Variants in PIGG observed in about 807,000 individuals in gnomAD.
The protein encoded by PIGG is phosphatidylinositol glycan anchor biosynthesis class G (EMM blood group), also known as GPI ethanolamine phosphate transferase 2, catalytic subunit.
PIGG carries 70 observed loss-of-function variants against 83.2 expected under a neutral mutation model. That is an observed-to-expected ratio of 0.84 (90% CI 0.69 to 1.03). The LOEUF is 1.03. Ranked by LOEUF, PIGG falls within the 50% of genes least tolerant of loss-of-function variation. PIGG has a pLI of 0.00. For missense variants in PIGG, 1,257 were observed against 1,233.6 expected, an observed-to-expected ratio of 1.02 and a Z score of -0.28; for synonymous variants, 532 against 519.5, an observed-to-expected ratio of 1.02 and a Z score of -0.33.
rs1057020682 is a variant in PIGG at position 515,138 on chromosome 4, A to G, written c.902-835A>G. On this transcript the variant is annotated intron_variant, in intron 5 of 12. Transcript: ENST00000453061. The surrounding 1 kb of genome is among the most constrained non-coding windows in gnomAD (Gnocchi z 4.2). ...TCCCCAGACTCACACCTGAGTATCT[A>G]AAGACACCTCACGCACCACCTATCC... Among the ~76,000 whole-genome samples, 1 of 152,260 alleles carries G rather than the reference A, an allele frequency of 6.6e-6. No homozygotes were observed. The highest frequency in any genetic ancestry group is 6.5e-5 in the Admixed American group (1 of 15,292).
chr4:527,834 G>T (rs140374875), intron 10 of PIGG: 2 of 985,392 alleles, frequency 2.0e-6, no homozygotes, highest in Non-Finnish European at 2.4e-6. Context: ...GAACACAGGA[G>T]TGGGATGAGC....
At position 506,840 on chromosome 4, in the gene PIGG, T is replaced by C. The variant is rs7668774; in HGVS notation, c.571-565T>C. 3.9e-3 allele frequency: 1,780 copies of C among 455,914 alleles called. 23 individuals are homozygous for C. The highest frequency in any genetic ancestry group is 0.032 in the African/African-American group (1,607 of 50,162). 28.2% of individuals were successfully genotyped at this position (455,914 alleles called of 1,614,324 possible). On this transcript the variant is annotated intron_variant, in intron 3 of 12. Coordinates refer to ENST00000453061, the MANE Select transcript of PIGG (RefSeq NM_001127178.3). The stretch of plus-strand genomic sequence containing the variant: ...ACACATGTAGATGCCCTCAGCTTCA[T>C]CATCCTGCTGGTTACTTTAACGCTG...
intron 2 of PIGG, 69 bp from the exon 3 acceptor site, chr4:505,649 A>AAAAAAAAT: frequency 9.1e-7 from 1 of 1,104,412 alleles, no homozygotes; most frequent in Non-Finnish European, 1.3e-6. Context: ...AAAAAAAAAA[A>AAAAAAAAT]TCTTCAGTGC....
Position 523,449 on chromosome 4 carries a change from C to T in PIGG, c.1615-10C>T. 1 of 1,589,928 alleles carries T rather than the reference C, an allele frequency of 6.3e-7. No individual in the cohort carries two copies. The highest frequency in any genetic ancestry group is 2.2e-5 in the East Asian group (1 of 44,570). ...ACCGTCTCTTACAAAGTGCACTTTC[C>T]TTTTCACAGAACCCCATGCATCCCA... On this transcript the variant is annotated splice_polypyrimidine_tract_variant and intron_variant, in intron 8 of 12. Transcript: ENST00000453061.
chr4:500,719 C>CA, intron 2 of PIGG, 118 bp downstream of exon 2: 1 of 687,596 alleles, frequency 1.5e-6, no homozygotes. Context: ...TTTGTGCTGT[C>CA]AGTTGGCTGG....
chr4:507,048 C>T (rs554891316), intron 3 of PIGG, among the ~76,000 whole-genome samples: 11 of 152,290 alleles, frequency 7.2e-5, no homozygotes, highest in East Asian at 5.8e-4. Flanking sequence ...AGAATATATT[C>T]GATCCATAGC....
At chr4:508,797 C>A in intron 4 of PIGG, 32 bp from the exon 5 acceptor site, 1 of 1,608,762 alleles carries the variant, frequency 6.2e-7, no homozygotes, top group Non-Finnish European at 8.5e-7. Flanking sequence ...TCAGTCTGAA[C>A]GCAGTTGAAA....
Position 535,379 on chromosome 4 carries a change from G to A in PIGG, c.2735+1398G>A, listed in dbSNP as rs184113328. Among the ~76,000 whole-genome samples the A allele has an allele frequency of 1.6e-4, 17 of 103,944 alleles. No individual in the cohort carries two copies. The East Asian group carries it at 3.7e-3, about 22-fold the overall frequency. 68.2% of individuals were successfully genotyped at this position (103,944 alleles called of 152,430 possible). A position where few individuals can be genotyped will look rare whatever the true frequency, so the allele number is the denominator to read the frequency against. On this transcript the variant is annotated intron_variant, in intron 12 of 12. Coordinates refer to ENST00000453061, the MANE Select transcript of PIGG (RefSeq NM_001127178.3). The stretch of plus-strand genomic sequence containing the variant: ...TGTCCCTGCTGCCAGCCACAGTCAC[G>A]AATCCCCGCAGCGCCTATGCATTTC...
intron 2 of PIGG, 79 bp from the exon 3 acceptor site, chr4:505,632 CAAAAAAA>C (rs374663154): frequency 2.2e-5 from 16 of 738,864 alleles, no homozygotes. Flanking sequence ...GACCCTGTCT[CAAAAAAA>C]AAAAAAAAAA....
Position 516,194 on chromosome 4 carries a change from A to G in PIGG, c.1114+9A>G, listed in dbSNP as rs150974506. ...GCCGTCATATGAAAAAGGTCAGTCA[A>G]CTCACCGTTTCGAGCTCTGTCAGAG... On this transcript the variant is annotated intron_variant, in intron 6 of 12. Coordinates refer to ENST00000453061, the MANE Select transcript of PIGG (RefSeq NM_001127178.3). 1.5e-3 allele frequency: 2,400 copies of G among 1,594,048 alleles called. 42 individuals are homozygous for G. The East Asian group carries it at 0.038, about 25-fold the overall frequency.
intron 12 of PIGG, among the ~76,000 whole-genome samples, chr4:534,673 A>C: frequency 6.6e-6 from 1 of 151,976 alleles, no homozygotes; most frequent in East Asian, 1.9e-4. Flanking sequence ...TCCAACACCC[A>C]CCCGTCTCCT....
chr4:500,099 G>A (rs1576989139), intron 1 of PIGG: 1 of 351,434 alleles, frequency 2.8e-6, no homozygotes, highest in Admixed American at 4.4e-5. Context: ...TTTAGGTCAA[G>A]CTCCCTAAAT....
chr4:500,659 G>C (rs1418418270), intron 2 of PIGG, 58 bp downstream of exon 2: 3 of 1,106,644 alleles, frequency 2.7e-6, no homozygotes, highest in African/African-American at 3.1e-5. Context: ...GATTTAGAGG[G>C]GGTCTCTGTA....
intron 5 of PIGG, among the ~76,000 whole-genome samples, chr4:509,324 A>G (rs2108818668): frequency 6.6e-6 from 1 of 152,356 alleles, no homozygotes; most frequent in South Asian, 2.1e-4. Flanking sequence ...ATTGTAAACC[A>G]TCTATTGAAT....
chr4:508,107 G>A (rs374654332), intron 4 of PIGG, among the ~76,000 whole-genome samples: 214 of 152,292 alleles, frequency 1.4e-3, no homozygotes, highest in African/African-American at 4.3e-3. Flanking sequence ...ATAATCCCTC[G>A]TGAAGCTCAC....
chr4:507,335 C>T (rs901055732), intron 3 of PIGG, 70 bp from the exon 4 acceptor site: 62 of 1,226,788 alleles, frequency 5.1e-5, no homozygotes, highest in Middle Eastern at 2.0e-4. Flanking sequence ...ATGACTGTTG[C>T]GTTTTCCCCG....
intron 3 of PIGG, among the ~76,000 whole-genome samples, chr4:506,519 G>C (rs947575140): frequency 7.2e-5 from 11 of 152,356 alleles, no homozygotes; most frequent in Non-Finnish European, 1.3e-4. Context: ...AGATGGCTGG[G>C]CCTTATGGAG....
intron 12 of PIGG, among the ~76,000 whole-genome samples, chr4:537,606 G>T (rs746850815): frequency 6.6e-6 from 1 of 152,334 alleles, no homozygotes; most frequent in East Asian, 1.9e-4. Flanking sequence ...GTGACCAGCG[G>T]TACGGGTTTG....
At position 508,987 on chromosome 4, in the gene PIGG, G is replaced by A. The variant is rs1453387489; in HGVS notation, c.901+17G>A. On this transcript the variant is annotated intron_variant, in intron 5 of 12. Coordinates refer to ENST00000453061, the MANE Select transcript of PIGG (RefSeq NM_001127178.3). ...GGAAACCCGGTGAGAATTTAGGAATGTTAACAGTTGGAAATTGTATTACAT... is the reference window on the plus strand; with the variant it reads ...GGAAACCCGGTGAGAATTTAGGAATATTAACAGTTGGAAATTGTATTACAT... 2 of 1,598,686 alleles carry A rather than the reference G, an allele frequency of 1.3e-6. No homozygotes were observed. The highest frequency in any genetic ancestry group is 1.1e-5 in the South Asian group (1 of 89,044).
Sources: gnomAD v4.1 joint callset for allele counts (sites outside exome capture counted in the v4.1 genomes callset) on GRCh38, gnomAD v4.1.1 for gene constraint, Gnocchi (gnomAD v3.1) non-coding constraint, MANE v1.5 for transcripts, NCBI Gene and HGNC (gene_info 2026-07-23, HGNC 2026-07-21) for gene names.